The following CCSER1 variants were observed in gnomAD, a reference collection of about 807,000 sequenced individuals.
CCSER1 encodes coiled-coil serine rich protein 1.
In CCSER1, 41 loss-of-function variants were observed where a neutral mutation model predicts 82.0. That is an observed-to-expected ratio of 0.50 (90% confidence interval 0.39 to 0.65). The LOEUF is 0.65. Ranked by LOEUF, CCSER1 falls within the 30% of genes least tolerant of loss-of-function variation. CCSER1 has a pLI of 0.00. For missense variants in CCSER1, 1,119 were observed against 1,064.2 expected (o/e 1.05, Z -0.72); for synonymous variants, 414 against 383.9 (o/e 1.08, Z -0.92).
chr4:90,882,065 T>A (rs2150076561), intron 8 of CCSER1, among the ~76,000 whole-genome samples: 1 of 152,212 alleles, frequency 6.6e-6, no homozygotes, highest in East Asian at 1.9e-4. Flanking sequence ...AATTGTGTTA[T>A]AATAAAGTTG....
intron 8 of CCSER1, among the ~76,000 whole-genome samples, chr4:90,819,050 A>T (rs1262509097): frequency 6.6e-6 from 1 of 152,184 alleles, no homozygotes; most frequent in Non-Finnish European, 1.5e-5. Context: ...GAAGTCTGAG[A>T]TCCGGTGCCA....
intron 10 of CCSER1, among the ~76,000 whole-genome samples, chr4:91,180,274 G>A (rs1309615072): frequency 6.6e-6 from 1 of 152,212 alleles, no homozygotes; most frequent in South Asian, 2.1e-4. Flanking sequence ...GACTTGAGGA[G>A]GCAATCTGTC....
chr4:90,355,656 C>G lies in CCSER1; in HGVS notation c.1509+42609C>G, dbSNP rs372044274. ...TAAAGACTGACTTCTTCCTCTGTGC[C>G]ATAGACAGTAGAGAATATGAACAGG... On this transcript the variant is annotated intron_variant, in intron 3 of 10. Transcript: ENST00000509176. 2.6e-5 allele frequency among the ~76,000 whole-genome samples: 4 copies of G among 152,020 alleles called. No individual in the cohort carries two copies. The East Asian group carries it at 7.7e-4, about 29-fold the overall frequency.
chr4:90,225,069 TC>T (rs1358640313), intron 1 of CCSER1, among the ~76,000 whole-genome samples: 9 of 151,956 alleles, frequency 5.9e-5, no homozygotes, highest in East Asian at 1.9e-4. Flanking sequence ...CTTTTTTTTT[TC>T]TTTTTTATTT....
At chr4:90,759,209 A>T (rs933074483) in intron 7 of CCSER1, among the ~76,000 whole-genome samples, 2 of 152,190 alleles carry the variant, frequency 1.3e-5, no homozygotes, top group Non-Finnish European at 1.5e-5. Context: ...AAGCTCAATT[A>T]TGACACAGCA....
chr4:90,443,635 G>A (rs1760219322), intron 4 of CCSER1, among the ~76,000 whole-genome samples: 1 of 151,988 alleles, frequency 6.6e-6, no homozygotes, highest in Non-Finnish European at 1.5e-5. Flanking sequence ...GGGATTACTT[G>A]TTTGCTAAAG....
intron 10 of CCSER1, among the ~76,000 whole-genome samples, chr4:91,191,503 G>A (rs1734992483): frequency 6.6e-6 from 1 of 152,038 alleles, no homozygotes; most frequent in Non-Finnish European, 1.5e-5. Context: ...ATGTATTAGA[G>A]CATCTCCCAT....
At chr4:90,691,597 ATG>A (rs1735936602) in intron 6 of CCSER1, among the ~76,000 whole-genome samples, 2 of 148,276 alleles carry the variant, frequency 1.3e-5, no homozygotes, top group Non-Finnish European at 3.0e-5. Context: ...AATATATCAC[ATG>A]TGTATATATC....
intron 10 of CCSER1, among the ~76,000 whole-genome samples, chr4:91,531,189 T>G (rs2110168436): frequency 6.6e-6 from 1 of 152,314 alleles, no homozygotes; most frequent in South Asian, 2.1e-4. Context: ...AAGTAAATTC[T>G]GCCTTAATCC....
chr4:91,561,664 A>G (rs1367078728), intron 10 of CCSER1, among the ~76,000 whole-genome samples: 1 of 151,550 alleles, frequency 6.6e-6, no homozygotes, highest in Admixed American at 6.6e-5. Context: ...ACCAATGGCT[A>G]GAATGGTGCC....
chr4:91,364,324 G>GAT (rs1749461077), intron 10 of CCSER1, among the ~76,000 whole-genome samples: 1 of 151,984 alleles, frequency 6.6e-6, no homozygotes, highest in Non-Finnish European at 1.5e-5. Context: ...TAATTTTCAT[G>GAT]ATGGGAAATA....
chr4:91,303,379 A>G (rs1370768885), intron 10 of CCSER1, among the ~76,000 whole-genome samples: 1 of 152,076 alleles, frequency 6.6e-6, no homozygotes, highest in Non-Finnish European at 1.5e-5. Context: ...AGTAAATGTA[A>G]TGTAGTATTT....
chr4:91,153,552 T>C (rs527563480), intron 10 of CCSER1, among the ~76,000 whole-genome samples: 1 of 152,154 alleles, frequency 6.6e-6, no homozygotes, highest in Non-Finnish European at 1.5e-5. Flanking sequence ...TTTGTCCTGT[T>C]GCTGGCAAGG....
chr4:90,217,271 A>G (rs948687844), intron 1 of CCSER1, among the ~76,000 whole-genome samples: 1 of 152,062 alleles, frequency 6.6e-6, no homozygotes, highest in African/African-American at 2.4e-5. Context: ...ATCTCGGCTC[A>G]CTGCAGCCTC....
chr4:90,781,379 T>C, intron 7 of CCSER1: 1 of 985,386 alleles, frequency 1.0e-6, no homozygotes. Context: ...TCCTGGTTAC[T>C]GGGGCTTTGA....
At chr4:90,858,537 A>T (rs1764713966) in intron 8 of CCSER1, among the ~76,000 whole-genome samples, 1 of 151,958 alleles carries the variant, frequency 6.6e-6, no homozygotes, top group Admixed American at 6.6e-5. Context: ...AATACATTTG[A>T]TTTGGAGATA....
intron 9 of CCSER1, among the ~76,000 whole-genome samples, chr4:91,038,691 A>C (rs971093890): frequency 6.6e-6 from 1 of 152,194 alleles, no homozygotes; most frequent in African/African-American, 2.4e-5. Context: ...TACCTCACAT[A>C]AAGTAAGACA....
intron 5 of CCSER1, among the ~76,000 whole-genome samples, chr4:90,554,855 C>A (rs1579131179): frequency 6.6e-6 from 1 of 152,070 alleles, no homozygotes; most frequent in East Asian, 1.9e-4. Flanking sequence ...CTTTTTAGCA[C>A]CCAGGAGAGT....
intron 5 of CCSER1, among the ~76,000 whole-genome samples, chr4:90,510,502 T>A (rs1287192631): frequency 6.6e-6 from 1 of 152,224 alleles, no homozygotes. Context: ...TAATCACATA[T>A]GAGACAAAGA....
Sources: gnomAD v4.1 joint callset for allele counts (sites outside exome capture counted in the v4.1 genomes callset) on GRCh38, gnomAD v4.1.1 for gene constraint, MANE v1.5 for transcripts, NCBI Gene and HGNC (gene_info 2026-07-23, HGNC 2026-07-21) for gene names.